GDF7: variants seen among roughly 807,000 people sequenced by gnomAD.
The protein encoded by GDF7 is growth differentiation factor 7.
GDF7 carries 12 observed loss-of-function variants against 13.4 expected under a neutral mutation model. That is an observed-to-expected ratio of 0.90 (90% CI 0.57 to 1.45). GDF7 has a LOEUF of 1.45. Among genes scored for constraint, GDF7 ranks in the 40% most tolerant of loss-of-function variants. The pLI, the probability that GDF7 is intolerant of heterozygous loss-of-function variation, is 0.00. For synonymous variants in GDF7, 330 were observed against 306.4 expected, an observed-to-expected ratio of 1.08 and a Z score of -0.80; for missense variants, 651 against 652.4, an observed-to-expected ratio of 1.00 and a Z score of 0.02.
chr2:20,676,474 A>G lies in GDF7; in HGVS notation c.*5049A>G, dbSNP rs559325671. 1.6e-4 allele frequency: 24 copies of G among 152,380 alleles called. No individual in the cohort carries two copies. The East Asian group carries it at 4.4e-3, about 28-fold the overall frequency. The allele number at this position is 152,380 out of a possible 1,614,324, so 9.4% of individuals were successfully genotyped here. A position where few individuals can be genotyped will look rare whatever the true frequency, so the allele number is the denominator to read the frequency against. ...ACAGCTTAGTGCGTCACAAATAGTA[A>G]CTGAGTGAGGCTGTTGTGAAAGAAG... is the stretch of plus-strand genomic sequence containing the variant. On this transcript the variant is annotated 3_prime_UTR_variant, in exon 2 of 2. Coordinates refer to ENST00000272224, the MANE Select transcript of GDF7 (RefSeq NM_182828.4).
At position 20,671,123 on chromosome 2, in the gene GDF7, C is replaced by A; in HGVS notation, c.1051C>A (p.Arg351Ser). 1 of 1,610,498 alleles carries A rather than the reference C, an allele frequency of 6.2e-7. No individual in the cohort carries two copies. Among genetic ancestry groups the A allele is most frequent in the Non-Finnish European group, 8.5e-7 (1 of 1,178,726 alleles). The change falls in exon 2 of 2, where the codon CGC becomes AGC. Residue 351 changes from arginine to serine, a missense_variant. Transcript: ENST00000272224. ...HGRRGRSRCSRKPLHVDFKEL... is the reference protein window; with the variant it reads ...HGRRGRSRCSSKPLHVDFKEL... ...GCGCAGGGGCCGGAGCCGCTGCAGC[C>A]GCAAGCCGTTGCACGTGGACTTCAA...
At chr2:20,670,384 G>T in intron 1 of GDF7, 80 bp from the exon 2 acceptor site, 1 of 1,388,314 alleles carries the variant, frequency 7.2e-7, no homozygotes, top group East Asian at 2.9e-5. Context: ...GCCATTTGCT[G>T]TTAGGAGGCC....
rs1160031242 is a variant in GDF7 at position 20,672,916 on chromosome 2, T to TG, written c.*1494dup. On this transcript the variant is annotated 3_prime_UTR_variant, in exon 2 of 2. Transcript: ENST00000272224. ...CCTTTGTGGCTTTTTGTCAATAGGCTGGGAGAGGGAACCTAGTTGGACTCC... is the reference window on the plus strand; with the variant it reads ...CCTTTGTGGCTTTTTGTCAATAGGCTGGGGAGAGGGAACCTAGTTGGACTCC... 6.6e-6 allele frequency: 1 copy of TG among 152,206 alleles called. No individual in the cohort carries two copies. The highest frequency in any genetic ancestry group is 1.5e-5 in the Non-Finnish European group (1 of 68,042). The allele number at this position is 152,206 out of a possible 1,614,324, so 9.4% of individuals were successfully genotyped here. A position where few individuals can be genotyped will look rare whatever the true frequency, so the allele number is the denominator to read the frequency against.
Position 20,670,502 on chromosome 2 carries a change from G to C in GDF7, c.430G>C (p.Asp144His). 3 of 1,577,810 alleles carry C rather than the reference G, an allele frequency of 1.9e-6. No individual in the cohort carries two copies. Among genetic ancestry groups the C allele is most frequent in the Non-Finnish European group, 1.7e-6 (2 of 1,163,414 alleles). ...CGAAACAGGCCAGAGCTTCCTGTTCGACGTGTCCAGCCTTAACGACGCAGA... is the reference window on the plus strand; with the variant it reads ...CGAAACAGGCCAGAGCTTCCTGTTCCACGTGTCCAGCCTTAACGACGCAGA... Reference protein sequence around the residue: ...AAETGQSFLFDVSSLNDADEV... With the variant: ...AAETGQSFLFHVSSLNDADEV... Residue 144 changes from aspartate (D) to histidine (H), a missense_variant, in exon 2 of 2, where the codon GAC becomes CAC. Transcript: ENST00000272224.
rs747381426 is a variant in GDF7, at chr2:20,667,488, C to A, written c.249C>A (p.Asn83Lys). 3 of 1,288,112 alleles carry A rather than the reference C, an allele frequency of 2.3e-6. No individual in the cohort carries two copies. The South Asian group carries it at 7.4e-5, about 32-fold the overall frequency. 79.8% of individuals were successfully genotyped at this position (1,288,112 alleles called of 1,614,324 possible). A position where few individuals can be genotyped will look rare whatever the true frequency, so the allele number is the denominator to read the frequency against. Residue 83 changes from asparagine (N) to lysine (K), a missense_variant, in exon 1 of 2, where the codon AAC becomes AAA. Around this residue, in one of 4 missense-constraint regions of GDF7, gnomAD observed 487 missense variants for 445.9 expected, o/e 1.09. Transcript: ENST00000272224. The surrounding 1 kb of genome is among the most constrained non-coding windows in gnomAD (Gnocchi z 6.4). ...GCGCCGCGGGCTCCGGCTTCAGGAA[C>A]GGCTCGGTGGTGCCGCACCACTTCA... The part of the protein sequence containing the change: ...ARRAAGSGFR[N>K]GSVVPHHFMM...
At position 20,671,567 on chromosome 2, in the gene GDF7, TCACA is replaced by T. The variant is rs1282133107; in HGVS notation, c.*148_*151del. On this transcript the variant is annotated 3_prime_UTR_variant, in exon 2 of 2. Transcript: ENST00000272224. ...GAGGAGGGAGAGCACACGTTCACAC[TCACA>T]CACACTCGTGCAGTCACGCACACAT... 2.6e-6 allele frequency: 2 copies of T among 775,218 alleles called. No homozygotes were observed. Among genetic ancestry groups the T allele is most frequent in the Non-Finnish European group, 4.1e-6 (2 of 488,324 alleles). The allele number at this position is 775,218 out of a possible 1,614,324, so 48.0% of individuals were successfully genotyped here. A position where few individuals can be genotyped will look rare whatever the true frequency, so the allele number is the denominator to read the frequency against.
rs1347243753 is a variant in GDF7 at position 20,677,124 on chromosome 2, CAAG to C, written c.*5703_*5705del. On this transcript the variant is annotated 3_prime_UTR_variant, in exon 2 of 2. Coordinates refer to ENST00000272224, the MANE Select transcript of GDF7 (RefSeq NM_182828.4). ...GGCAGGACAGCTTGGTGTGATGATA[CAAG>C]AAGTACAGTTTCACTCTTTTTTTGT... 3.9e-5 allele frequency: 6 copies of C among 152,192 alleles called. No homozygotes were observed. The highest frequency in any genetic ancestry group is 8.8e-5 in the Non-Finnish European group (6 of 68,034). The allele number at this position is 152,192 out of a possible 1,614,324, so 9.4% of individuals were successfully genotyped here. A position where few individuals can be genotyped will look rare whatever the true frequency, so the allele number is the denominator to read the frequency against.
Position 20,667,270 on chromosome 2 carries a change from C to T in GDF7, c.31C>T (p.Leu11Phe). ...CCTGAGCGCCGCCGCCGCGCTGTGCCTTTGGCTGCTGAGCGCCTGCCGCCC... is the reference window on the plus strand; with the variant it reads ...CCTGAGCGCCGCCGCCGCGCTGTGCTTTTGGCTGCTGAGCGCCTGCCGCCC... MDLSAAAALC[L>F]WLLSACRPRD... Residue 11 changes from leucine to phenylalanine, a missense_variant, in exon 1 of 2, where the codon CTT becomes TTT. This residue lies in a region of GDF7 where 61 missense variants were observed against 50.5 expected (regional missense o/e 1.21). Transcript: ENST00000272224. This position sits in a 1 kb window ranked among gnomAD's most constrained non-coding sequence, Gnocchi z 6.4. 1 of 1,241,312 alleles carries T rather than the reference C, an allele frequency of 8.1e-7. No individual in the cohort carries two copies. Among genetic ancestry groups the T allele is most frequent in the Non-Finnish European group, 1.0e-6 (1 of 983,452 alleles). The allele number at this position is 1,241,312 out of a possible 1,614,324, so 76.9% of individuals were successfully genotyped here.
chr2:20,670,977 A>T lies in GDF7; in HGVS notation c.905A>T (p.Asp302Val), dbSNP rs1662111053. The T allele has an allele frequency of 8.4e-6, 13 of 1,556,722 alleles. No individual in the cohort carries two copies. In the African/African-American group the frequency reaches 1.3e-4, roughly 15 times the overall value. ...GAALASEPLP[D>V]PGTGTASPRA... ...GCTCTGGCCTCAGAGCCGCTGCCCGACCCAGGAACCGGCACCGCGTCGCCA... is the reference window on the plus strand; with the variant it reads ...GCTCTGGCCTCAGAGCCGCTGCCCGTCCCAGGAACCGGCACCGCGTCGCCA... The change falls in exon 2 of 2, where the codon GAC becomes GTC. Residue 302 changes from aspartate to valine, a missense_variant. Asp to Val is a radical substitution (Grantham distance 152, BLOSUM62 -3). Coordinates refer to ENST00000272224, the MANE Select transcript of GDF7 (RefSeq NM_182828.4).
rs543361575 is a variant in GDF7 at position 20,676,768 on chromosome 2, C to A, written c.*5343C>A. The A allele has an allele frequency of 6.6e-6, 1 of 152,318 alleles. No individual in the cohort carries two copies. The highest frequency in any genetic ancestry group is 2.4e-5 in the African/African-American group (1 of 41,572). The allele number at this position is 152,318 out of a possible 1,614,324, so 9.4% of individuals were successfully genotyped here. Reference sequence around the variant, plus strand: ...GGGCTGGTGCTTCATGGCGGCAGGACCAATTACAGCAGAGCAACCCAGGAT... The same window carrying A: ...GGGCTGGTGCTTCATGGCGGCAGGAACAATTACAGCAGAGCAACCCAGGAT... On this transcript the variant is annotated 3_prime_UTR_variant, in exon 2 of 2. Coordinates refer to ENST00000272224, the MANE Select transcript of GDF7 (RefSeq NM_182828.4).
chr2:20,671,511 T>G lies in GDF7; in HGVS notation c.*86T>G. 2 of 1,418,446 alleles carry G rather than the reference T, an allele frequency of 1.4e-6. No individual in the cohort carries two copies. Among genetic ancestry groups the G allele is most frequent in the Non-Finnish European group, 1.9e-6 (2 of 1,043,262 alleles). 87.9% of individuals were successfully genotyped at this position (1,418,446 alleles called of 1,614,324 possible). ...GGGCCACCCTGTCACCGAGCGTGGGTGCATGTCCGATGTGACCCAGCACCC... is the reference window on the plus strand; with the variant it reads ...GGGCCACCCTGTCACCGAGCGTGGGGGCATGTCCGATGTGACCCAGCACCC... On this transcript the variant is annotated 3_prime_UTR_variant, in exon 2 of 2. Coordinates refer to ENST00000272224, the MANE Select transcript of GDF7 (RefSeq NM_182828.4).
Position 20,675,999 on chromosome 2 carries a change from C to T in GDF7, c.*4574C>T, listed in dbSNP as rs1336514697. The T allele has an allele frequency of 6.6e-6, 1 of 152,300 alleles. No homozygotes were observed. Among genetic ancestry groups the T allele is most frequent in the African/African-American group, 2.4e-5 (1 of 41,458 alleles). The allele number at this position is 152,300 out of a possible 1,614,324, so 9.4% of individuals were successfully genotyped here. On this transcript the variant is annotated 3_prime_UTR_variant, in exon 2 of 2. Coordinates refer to ENST00000272224, the MANE Select transcript of GDF7 (RefSeq NM_182828.4). ...GGAGCCACACTCAAGCTGAGACTGT[C>T]TGAGAGACCTAGTGCTGGGAAGGGC...
rs1451447828 is a variant in GDF7 at position 20,671,520 on chromosome 2, G to T, written c.*95G>T. ...TGTCACCGAGCGTGGGTGCATGTCC[G>T]ATGTGACCCAGCACCCTCTCAGAGG... On this transcript the variant is annotated 3_prime_UTR_variant, in exon 2 of 2. Coordinates refer to ENST00000272224, the MANE Select transcript of GDF7 (RefSeq NM_182828.4). 14 of 1,328,830 alleles carry T rather than the reference G, an allele frequency of 1.1e-5. No homozygotes were observed. Among genetic ancestry groups the T allele is most frequent in the African/African-American group, 4.4e-5 (3 of 68,890 alleles). 82.3% of individuals were successfully genotyped at this position (1,328,830 alleles called of 1,614,324 possible).
intron 1 of GDF7, 29 bp from the exon 2 acceptor site, chr2:20,670,435 T>C (rs758467223): frequency 1.3e-6 from 2 of 1,494,358 alleles, no homozygotes. Context: ...ACACAGCTCT[T>C]TCTCTCTGTC....
Position 20,667,376 on chromosome 2 carries a change from G to GCGGCGA in GDF7, c.142_143insACGGCG (p.Gly47_Gly48insAspGly). 1 of 966,832 alleles carries GCGGCGA rather than the reference G, an allele frequency of 1.0e-6. No homozygotes were observed. The highest frequency in any genetic ancestry group is 1.2e-6 in the Non-Finnish European group (1 of 814,620). The allele number at this position is 966,832 out of a possible 1,614,324, so 59.9% of individuals were successfully genotyped here. A position where few individuals can be genotyped will look rare whatever the true frequency, so the allele number is the denominator to read the frequency against. On this transcript the variant is annotated inframe_insertion, in exon 1 of 2. Transcript: ENST00000272224. The surrounding 1 kb of genome is among the most constrained non-coding windows in gnomAD (Gnocchi z 6.4). ...CGGAGCCCAGGGGGCGGCGGCGGCG[G>GCGGCGA]CGGCGGCGGCGGGCGGACTCTTGCC...
Position 20,674,476 on chromosome 2 carries a change from T to C in GDF7, c.*3051T>C, listed in dbSNP as rs1056138176. 6.6e-6 allele frequency: 1 copy of C among 152,210 alleles called. No individual in the cohort carries two copies. Among genetic ancestry groups the C allele is most frequent in the Non-Finnish European group, 1.5e-5 (1 of 68,038 alleles). The allele number at this position is 152,210 out of a possible 1,614,324, so 9.4% of individuals were successfully genotyped here. A position where few individuals can be genotyped will look rare whatever the true frequency, so the allele number is the denominator to read the frequency against. The stretch of plus-strand genomic sequence containing the variant: ...CCAGCTGGGGCCCAACGGGGGCTGG[T>C]GCTGGGTCTGTCAAACACAATGATA... On this transcript the variant is annotated 3_prime_UTR_variant, in exon 2 of 2. Coordinates refer to ENST00000272224, the MANE Select transcript of GDF7 (RefSeq NM_182828.4).
In GDF7 at chr2:20,678,604, CATG is replaced by C. The variant is rs1662273018; in HGVS notation, c.*7181_*7183del. Reference sequence around the variant, plus strand: ...CTTGGGTGGGCAGCAGAATTCTGCACATGACGAGTGGCTGCAGCTTAGAAAGCA... The same window carrying C: ...CTTGGGTGGGCAGCAGAATTCTGCACACGAGTGGCTGCAGCTTAGAAAGCA... On this transcript the variant is annotated 3_prime_UTR_variant, in exon 2 of 2. Transcript: ENST00000272224. 1 of 152,250 alleles carries C rather than the reference CATG, an allele frequency of 6.6e-6. No homozygotes were observed. The highest frequency in any genetic ancestry group is 1.5e-5 in the Non-Finnish European group (1 of 68,048). 9.4% of individuals were successfully genotyped at this position (152,250 alleles called of 1,614,324 possible). A position where few individuals can be genotyped will look rare whatever the true frequency, so the allele number is the denominator to read the frequency against.
In GDF7 at chr2:20,670,581, G is replaced by A; in HGVS notation, c.509G>A (p.Gly170Asp). 1.2e-6 allele frequency: 2 copies of A among 1,602,958 alleles called. No individual in the cohort carries two copies. The highest frequency in any genetic ancestry group is 1.7e-6 in the Non-Finnish European group (2 of 1,176,370). ...RVLRRGSPES[G>D]PGSWTSPPLL... is the part of the protein sequence containing the mutation. ...CTGCGCCGGGGATCTCCAGAGTCGG[G>A]CCCAGGCAGCTGGACTTCTCCGCCG... The change falls in exon 2 of 2, where the codon GGC (glycine) becomes GAC (aspartate). Residue 170 changes from glycine to aspartate, a missense_variant. By Grantham distance (94) the Gly-to-Asp change is moderately conservative. This residue lies in a region of GDF7 where 487 missense variants were observed against 445.9 expected (regional missense o/e 1.09). Coordinates refer to ENST00000272224, the MANE Select transcript of GDF7 (RefSeq NM_182828.4).
At chr2:20,668,352 G>T (rs940235301) in intron 1 of GDF7, among the ~76,000 whole-genome samples, 1 of 152,138 alleles carries the variant, frequency 6.6e-6, no homozygotes, top group East Asian at 1.9e-4. Flanking sequence ...AGGAATGCAG[G>T]CCTCTCTTAG....
Sources: allele counts gnomAD v4.1 joint callset (sites outside exome capture counted in the v4.1 genomes callset), GRCh38; gene constraint gnomAD v4.1.1; regional missense constraint gnomAD v4.1.1; non-coding constraint Gnocchi (gnomAD v3.1); transcripts MANE v1.5; gene names NCBI Gene and HGNC (gene_info 2026-07-23, HGNC 2026-07-21).